The following FHIT variants were observed in gnomAD, a reference collection of about 807,000 sequenced individuals.
FHIT encodes the protein fragile histidine triad diadenosine triphosphatase, also known as bis(5'-adenosyl)-triphosphatase.
FHIT carries 19 observed loss-of-function variants against 17.9 expected under a neutral mutation model. That is an observed-to-expected ratio of 1.06 (90% CI 0.74 to 1.56). FHIT has a LOEUF of 1.56. FHIT is among the 40% of genes most tolerant of loss of function. FHIT has a pLI of 0.00. For synonymous variants in FHIT, 81 were observed against 69.7 expected (o/e 1.16, Z -0.81); for missense variants, 248 against 189.2 (o/e 1.31, Z -1.82).
At chr3:60,720,243 T>G (rs2041779417) in intron 4 of FHIT, among the ~76,000 whole-genome samples, 1 of 152,136 alleles carries the variant, frequency 6.6e-6, no homozygotes, top group African/African-American at 2.4e-5. Context: ...CCCTCAACTC[T>G]TTACCTGGTT....
At chr3:61,227,505 C>G (rs1488125299) in intron 1 of FHIT, among the ~76,000 whole-genome samples, 1 of 151,822 alleles carries the variant, frequency 6.6e-6, no homozygotes, top group Non-Finnish European at 1.5e-5. Flanking sequence ...GCAGCACATA[C>G]AATACCAAGA....
At chr3:60,959,754 G>T (rs935621492) in intron 3 of FHIT, among the ~76,000 whole-genome samples, 1 of 151,410 alleles carries the variant, frequency 6.6e-6, no homozygotes, top group East Asian at 1.9e-4. Flanking sequence ...TGTAGTTTGC[G>T]TGCAAAAACC....
At chr3:60,752,516 G>A (rs1389594678) in intron 4 of FHIT, among the ~76,000 whole-genome samples, 3 of 152,046 alleles carry the variant, frequency 2.0e-5, no homozygotes, top group Non-Finnish European at 4.4e-5. Flanking sequence ...CATGTGAAGG[G>A]TGCCAAGTGA....
Position 61,185,733 on chromosome 3 carries a change from T to A in FHIT, c.-164+14884A>T, listed in dbSNP as rs139699336. Among the ~76,000 whole-genome samples, 800 of 152,224 alleles carry A rather than the reference T, an allele frequency of 5.3e-3. 6 individuals are homozygous for A. The highest frequency in any genetic ancestry group is 8.0e-3 in the Non-Finnish European group (546 of 68,008). On this transcript the variant is annotated intron_variant, in intron 2 of 9. Coordinates refer to ENST00000492590, the MANE Select transcript of FHIT (RefSeq NM_002012.4). ...CATTTTCTTAAAATACATGCCCACATAAAGAACTAACTGGGAAAAAAACAC... is the reference window on the plus strand; with the variant it reads ...CATTTTCTTAAAATACATGCCCACAAAAAGAACTAACTGGGAAAAAAACAC...
At chr3:59,894,372 A>G (rs752025466) in intron 8 of FHIT, among the ~76,000 whole-genome samples, 4 of 152,236 alleles carry the variant, frequency 2.6e-5, no homozygotes, top group Non-Finnish European at 5.9e-5. Context: ...AAATTAAGGC[A>G]ACTTTCACAA....
chr3:61,210,249 GGTCAGGGACCCACTTGAGGAGGCA>G (rs1380468970), intron 1 of FHIT, among the ~76,000 whole-genome samples: 1 of 152,218 alleles, frequency 6.6e-6, no homozygotes, highest in African/African-American at 2.4e-5. Flanking sequence ...GCTACTCGGG[GGTCAGGGACCCACTTGAGGAGGCA>G]GTCTGCCCAT....
chr3:61,187,612 A>C (rs1396231968), intron 2 of FHIT, among the ~76,000 whole-genome samples: 1 of 152,190 alleles, frequency 6.6e-6, no homozygotes, highest in Non-Finnish European at 1.5e-5. Flanking sequence ...CTCCATCCCA[A>C]ATCAACAGAA....
chr3:60,586,585 T>A (rs542229030), intron 4 of FHIT, among the ~76,000 whole-genome samples: 1 of 152,010 alleles, frequency 6.6e-6, no homozygotes, highest in Admixed American at 6.6e-5. Flanking sequence ...AGACATGGAA[T>A]CAACCTAAAT....
chr3:60,350,679 G>C (rs189526571), intron 5 of FHIT, among the ~76,000 whole-genome samples: 1 of 152,084 alleles, frequency 6.6e-6, no homozygotes, highest in African/African-American at 2.4e-5. Context: ...ATGGAATATT[G>C]CCACTCCAAA....
chr3:59,805,395 G>A (rs1370947918), intron 8 of FHIT, among the ~76,000 whole-genome samples: 5 of 152,194 alleles, frequency 3.3e-5, no homozygotes, highest in African/African-American at 1.2e-4. Flanking sequence ...ATGTGAGAAG[G>A]TAACAGAAGT....
chr3:60,502,147 GTGTCCCA>G (rs2034550489), intron 5 of FHIT, among the ~76,000 whole-genome samples: 1 of 152,188 alleles, frequency 6.6e-6, no homozygotes, highest in Non-Finnish European at 1.5e-5. Flanking sequence ...CACTCTAGAG[GTGTCCCA>G]GGACCTTGTT....
chr3:60,885,139 G>C (rs2107145465), intron 3 of FHIT, among the ~76,000 whole-genome samples: 1 of 152,132 alleles, frequency 6.6e-6, no homozygotes, highest in East Asian at 1.9e-4. Flanking sequence ...TAGCACAGCA[G>C]GGTGATTATA....
chr3:60,008,771 T>A (rs968059720), intron 7 of FHIT, among the ~76,000 whole-genome samples: 1 of 152,232 alleles, frequency 6.6e-6, no homozygotes, highest in Non-Finnish European at 1.5e-5. Flanking sequence ...GAGGCTTGAA[T>A]TGTAGTATTC....
At chr3:59,966,421 C>T (rs1270752334) in intron 7 of FHIT, among the ~76,000 whole-genome samples, 3 of 152,140 alleles carry the variant, frequency 2.0e-5, no homozygotes, top group Non-Finnish European at 2.9e-5. Flanking sequence ...CCATGTGTTA[C>T]TTAACAATGG....
intron 2 of FHIT, among the ~76,000 whole-genome samples, chr3:61,049,275 T>C (rs140725030): frequency 0.011 from 1,703 of 151,686 alleles, 20 homozygotes; most frequent in Non-Finnish European, 0.014. Context: ...CATTCATTAA[T>C]TAAAAATTAA....
intron 5 of FHIT, among the ~76,000 whole-genome samples, chr3:60,135,027 G>A (rs1699757371): frequency 6.6e-6 from 1 of 152,250 alleles, no homozygotes; most frequent in Admixed American, 6.5e-5. Flanking sequence ...AGGGAAGCCA[G>A]TGAGGGAGTG....
intron 5 of FHIT, among the ~76,000 whole-genome samples, chr3:60,493,220 CA>C (rs1327315296): frequency 1.3e-5 from 2 of 152,110 alleles, no homozygotes; most frequent in Non-Finnish European, 2.9e-5. Context: ...CACACAAGGA[CA>C]AAAAGTGCCT....
At position 60,167,355 on chromosome 3, in the gene FHIT, A is replaced by C. The variant is rs116142681; in HGVS notation, c.104-153203T>G. 7.9e-3 allele frequency among the ~76,000 whole-genome samples: 1,207 copies of C among 152,352 alleles called. 4 individuals carry two copies. The highest frequency in any genetic ancestry group is 0.017 in the Middle Eastern group (5 of 294). On this transcript the variant is annotated intron_variant, in intron 5 of 9. Transcript: ENST00000492590. ...GAAACACACCTCTTATTCTAGTAGGAATTATCTAATCAAAGTTTGTGCATG... is the reference window on the plus strand; with the variant it reads ...GAAACACACCTCTTATTCTAGTAGGCATTATCTAATCAAAGTTTGTGCATG...
intron 3 of FHIT, among the ~76,000 whole-genome samples, chr3:60,931,687 G>A (rs1553771845): frequency 6.6e-6 from 1 of 152,214 alleles, no homozygotes; most frequent in Admixed American, 6.5e-5. Flanking sequence ...TTACTTTAGG[G>A]TATGGAGTTT....
Sources: gnomAD v4.1 joint callset for allele counts (sites outside exome capture counted in the v4.1 genomes callset) on GRCh38, gnomAD v4.1.1 for gene constraint, MANE v1.5 for transcripts, NCBI Gene and HGNC (gene_info 2026-07-23, HGNC 2026-07-21) for gene names.